Variants in GRM7 observed in about 807,000 individuals in gnomAD.
GRM7 encodes the protein metabotropic glutamate receptor 7.
A neutral mutation model predicts 84.5 loss-of-function variants in GRM7; 35 were observed. The ratio of observed to expected loss-of-function variants is 0.41; its 90% confidence interval spans 0.32 to 0.55. GRM7 has a LOEUF of 0.55. GRM7 is among the 20% of genes least tolerant of loss of function. The probability of loss-of-function intolerance (pLI) is 0.19; values close to 1 mark genes in which losing one functional copy is unlikely to be tolerated. For missense variants in GRM7, 1,003 were observed against 1,194.6 expected, an observed-to-expected ratio of 0.84 and a Z score of 2.36; for synonymous variants, 487 against 455.1, an observed-to-expected ratio of 1.07 and a Z score of -0.89.
intron 7 of GRM7, among the ~76,000 whole-genome samples, chr3:7,475,123 C>G (rs188774495): frequency 6.6e-6 from 1 of 152,122 alleles, no homozygotes; most frequent in Non-Finnish European, 1.5e-5. Flanking sequence ...AAGTAACAAG[C>G]TTTGAACAAG....
intron 1 of GRM7, among the ~76,000 whole-genome samples, chr3:7,076,239 T>C (rs1698071796): frequency 6.6e-6 from 1 of 152,058 alleles, no homozygotes; most frequent in Non-Finnish European, 1.5e-5. Context: ...TAAATAAAAA[T>C]AGTAGTTCCA....
intron 8 of GRM7, among the ~76,000 whole-genome samples, chr3:7,675,928 T>C (rs1700103757): frequency 6.6e-6 from 1 of 152,158 alleles, no homozygotes; most frequent in South Asian, 2.1e-4. Flanking sequence ...CAAACTATTA[T>C]GATTTTGATT....
intron 1 of GRM7, among the ~76,000 whole-genome samples, chr3:6,886,808 A>C (rs1418614343): frequency 6.6e-6 from 1 of 151,712 alleles, no homozygotes; most frequent in Non-Finnish European, 1.5e-5. Flanking sequence ...TAAACAGTTT[A>C]ATAAAATGCT....
chr3:7,704,537 TTGA>T (rs1701325353), intron 9 of GRM7, among the ~76,000 whole-genome samples: 1 of 152,224 alleles, frequency 6.6e-6, no homozygotes, highest in Non-Finnish European at 1.5e-5. Context: ...AAAATGTCTT[TTGA>T]TAATATGAAT....
intron 7 of GRM7, among the ~76,000 whole-genome samples, chr3:7,530,702 G>A (rs774636084): frequency 4.4e-4 from 67 of 152,094 alleles, no homozygotes; most frequent in Middle Eastern, 3.4e-3. Context: ...CAGTGATGAT[G>A]GGCTTTTTTT....
chr3:7,470,430 C>A (rs1698652244), intron 7 of GRM7, among the ~76,000 whole-genome samples: 1 of 152,084 alleles, frequency 6.6e-6, no homozygotes, highest in Non-Finnish European at 1.5e-5. Flanking sequence ...TATTCAGAAA[C>A]ATATTGGAAA....
intron 8 of GRM7, among the ~76,000 whole-genome samples, chr3:7,670,347 ATT>A (rs1699867120): frequency 2.0e-5 from 3 of 152,224 alleles, no homozygotes; most frequent in African/African-American, 7.2e-5. Flanking sequence ...AAGAGCCAGT[ATT>A]AACAAGAGGA....
intron 1 of GRM7, among the ~76,000 whole-genome samples, chr3:7,078,130 A>G (rs1391765884): frequency 6.6e-6 from 1 of 152,182 alleles, no homozygotes; most frequent in Non-Finnish European, 1.5e-5. Flanking sequence ...AAGGCTTTGC[A>G]ATTAAAGCTG....
intron 1 of GRM7, among the ~76,000 whole-genome samples, chr3:7,010,983 G>A (rs1460277305): frequency 6.6e-6 from 1 of 152,176 alleles, no homozygotes; most frequent in East Asian, 1.9e-4. Context: ...CATGAGTTGA[G>A]AACTAGCTTG....
chr3:7,443,506 A>T (rs983879893), intron 5 of GRM7, among the ~76,000 whole-genome samples: 2 of 152,058 alleles, frequency 1.3e-5, no homozygotes, highest in Non-Finnish European at 2.9e-5. Context: ...TGTAATCTAA[A>T]TATGTTTCCC....
In GRM7 at chr3:6,861,553, C is replaced by T; in HGVS notation, c.165C>T (p.Phe55=). 1.3e-6 allele frequency: 2 copies of T among 1,591,956 alleles called. No homozygotes were observed. Among genetic ancestry groups the T allele is most frequent in the Non-Finnish European group, 1.7e-6 (2 of 1,168,402 alleles). The stretch of plus-strand genomic sequence containing the variant: ...GGGACGTCACCCTCGGGGGGCTGTT[C>T]CCCGTGCACGCCAAGGGTCCCAGCG... The part of the protein sequence containing the change: ...IEGDVTLGGL[F]PVHAKGPSGV... The change falls in exon 1 of 10, where the codon TTC becomes TTT. Residue 55 remains phenylalanine (F), a synonymous_variant. Transcript: ENST00000357716. The surrounding 1 kb of genome is among the most constrained non-coding windows in gnomAD (Gnocchi z 6.4).
chr3:7,120,989 G>T (rs1265300182), intron 1 of GRM7, among the ~76,000 whole-genome samples: 3 of 152,054 alleles, frequency 2.0e-5, no homozygotes, highest in Middle Eastern at 3.2e-3. Flanking sequence ...TTATTGTGGG[G>T]TTTTTTTCTT....
chr3:7,216,820 C>G (rs1342368790), intron 2 of GRM7, among the ~76,000 whole-genome samples: 1 of 152,100 alleles, frequency 6.6e-6, no homozygotes, highest in Non-Finnish European at 1.5e-5. Flanking sequence ...CATAGTGAAC[C>G]AAATGATTGT....
chr3:7,564,930 A>T (rs142647754), intron 7 of GRM7, among the ~76,000 whole-genome samples: 4 of 152,196 alleles, frequency 2.6e-5, no homozygotes, highest in Admixed American at 2.0e-4. Context: ...TACTGAAATC[A>T]TGTTCTGTCC....
chr3:7,183,965 T>C (rs1695429723), intron 2 of GRM7, among the ~76,000 whole-genome samples: 1 of 152,148 alleles, frequency 6.6e-6, no homozygotes, highest in African/African-American at 2.4e-5. Flanking sequence ...GAAGACAAAG[T>C]ATAGATGGTC....
chr3:7,409,593 GTTTTGTTTTGTTT>G (rs1218589418), intron 4 of GRM7, among the ~76,000 whole-genome samples: 1 of 151,066 alleles, frequency 6.6e-6, no homozygotes, highest in Non-Finnish European at 1.5e-5. Context: ...GTTTTGTTTT[GTTTTGTTTTGTTT>G]TGTTTTGTTT....
intron 5 of GRM7, among the ~76,000 whole-genome samples, chr3:7,429,014 G>T (rs1210028540): frequency 1.3e-5 from 2 of 152,118 alleles, no homozygotes; most frequent in Non-Finnish European, 2.9e-5. Context: ...TTCTTGGGAT[G>T]CATTTCTAGA....
At chr3:7,218,693 A>T (rs556021379) in intron 2 of GRM7, among the ~76,000 whole-genome samples, 1 of 152,090 alleles carries the variant, frequency 6.6e-6, no homozygotes, top group South Asian at 2.1e-4. Context: ...TAGCTACTTG[A>T]CTGTGCCCTT....
At chr3:7,535,830 C>G (rs182224729) in intron 7 of GRM7, among the ~76,000 whole-genome samples, 31 of 152,306 alleles carry the variant, frequency 2.0e-4, no homozygotes, top group Admixed American at 1.5e-3. Flanking sequence ...TTTTACTTGT[C>G]AAACCATGCA....
Sources: gnomAD v4.1 joint callset for allele counts (sites outside exome capture counted in the v4.1 genomes callset) on GRCh38, gnomAD v4.1.1 for gene constraint, Gnocchi (gnomAD v3.1) non-coding constraint, MANE v1.5 for transcripts, NCBI Gene and HGNC (gene_info 2026-07-23, HGNC 2026-07-21) for gene names.